Variants in OR7C1 observed in about 807,000 individuals in gnomAD.
OR7C1 encodes the protein olfactory receptor 7C1.
For synonymous variants in OR7C1, 152 were observed against 160.7 expected, an observed-to-expected ratio of 0.95 and a Z score of 0.41; for missense variants, 324 against 383.3, an observed-to-expected ratio of 0.85 and a Z score of 1.29.
intron 4 of OR7C1, 26 bp from the exon 5 acceptor site, chr19:14,800,175 A>G: frequency 6.6e-7 from 1 of 1,511,316 alleles, no homozygotes. Context: ...AAAAAGCAAC[A>G]GTCAATTATC....
At chr19:14,810,546 ATTTTTTTT>A (rs71168507) in intron 1 of OR7C1, among the ~76,000 whole-genome samples, 2 of 137,240 alleles carry the variant, frequency 1.5e-5, no homozygotes, top group Non-Finnish European at 3.1e-5. Flanking sequence ...TGCCCGGCTA[ATTTTTTTT>A]TTTTTTTTTT....
At chr19:14,804,604 G>A (rs114079873) in intron 2 of OR7C1, among the ~76,000 whole-genome samples, 2,105 of 152,078 alleles carry the variant, frequency 0.014, 82 homozygotes, top group African/African-American at 0.048. Context: ...CTCAATGCCT[G>A]GGCTTCTTCG....
chr19:14,809,136 T>C (rs541285459), intron 2 of OR7C1, among the ~76,000 whole-genome samples: 2 of 151,982 alleles, frequency 1.3e-5, no homozygotes, highest in Non-Finnish European at 2.9e-5. Flanking sequence ...AAAAGCATTC[T>C]CTGAGATCTC....
At chr19:14,819,528 C>A (rs1172372619) in intron 1 of OR7C1, among the ~76,000 whole-genome samples, 1 of 152,130 alleles carries the variant, frequency 6.6e-6, no homozygotes, top group Non-Finnish European at 1.5e-5. Context: ...GCATAGTATT[C>A]CAGGGTGTAT....
At chr19:14,822,786 T>C (rs2044747380) in intron 1 of OR7C1, among the ~76,000 whole-genome samples, 2 of 152,180 alleles carry the variant, frequency 1.3e-5, no homozygotes, top group South Asian at 2.1e-4. Flanking sequence ...CATTTTTTCA[T>C]GTACCTGTTG....
At chr19:14,829,699 G>A (rs1283190820) in intron 1 of OR7C1, among the ~76,000 whole-genome samples, 1 of 152,190 alleles carries the variant, frequency 6.6e-6, no homozygotes. Flanking sequence ...GGACTAGAAA[G>A]GTGTCACATC....
intron 1 of OR7C1, chr19:14,827,842 C>G (rs1296504649): frequency 2.5e-6 from 4 of 1,614,026 alleles, no homozygotes; most frequent in Non-Finnish European, 2.5e-6. Context: ...TTCATAATGA[C>G]CATGTAGTGC....
intron 1 of OR7C1, chr19:14,824,527 C>T (rs2145072091): frequency 6.6e-6 from 1 of 152,300 alleles, no homozygotes; most frequent in East Asian, 1.9e-4. Context: ...GCCTTGAGTT[C>T]TCTCCATGTA....
At chr19:14,828,383 TA>T in intron 1 of OR7C1, 1 of 938,902 alleles carries the variant, frequency 1.1e-6, no homozygotes, top group Non-Finnish European at 1.6e-6. Flanking sequence ...TGGTTCTCTT[TA>T]AGGGATCTCC....
chr19:14,826,361 A>G (rs375119512), intron 1 of OR7C1: 2 of 152,208 alleles, frequency 1.3e-5, no homozygotes, highest in Admixed American at 1.3e-4. Flanking sequence ...TTTACGACAA[A>G]ATTTTATAAT....
rs749506840 is a variant in OR7C1, at chr19:14,799,843, GAGAC to G, written c.290_293del (p.Cys97SerfsTer18). 3.6e-4 allele frequency: 583 copies of G among 1,613,962 alleles called. No individual in the cohort carries two copies. Among genetic ancestry groups the G allele is most frequent in the Non-Finnish European group, 4.7e-4 (552 of 1,180,016 alleles). ...ATGAAGTGAAAAAAAAAATCTGACTGAGACAGCCTGCATATGTTATGAATTTGTT... is the reference window on the plus strand; with the variant it reads ...ATGAAGTGAAAAAAAAAATCTGACTGAGCCTGCATATGTTATGAATTTGTT... On this transcript the variant is annotated frameshift_variant, in exon 5 of 5. Coordinates refer to ENST00000641666, the Ensembl canonical transcript of OR7C1. LOFTEE classifies it low-confidence loss of function (END_TRUNC).
intron 1 of OR7C1, among the ~76,000 whole-genome samples, chr19:14,833,214 C>T: frequency 6.6e-6 from 1 of 152,244 alleles, no homozygotes; most frequent in East Asian, 1.9e-4. Flanking sequence ...TACGGTGGCT[C>T]ATGCCTGTAA....
At chr19:14,809,401 CAGATTGAAAGCAAGAAACAG>C (rs1209428273) in intron 2 of OR7C1, among the ~76,000 whole-genome samples, 4 of 151,796 alleles carry the variant, frequency 2.6e-5, no homozygotes, top group Non-Finnish European at 4.4e-5. Context: ...GGAATTGTGC[CAGATTGAAAGCAAGAAACAG>C]AGATTGAAAG....
chr19:14,831,151 T>C (rs752757253), intron 1 of OR7C1, among the ~76,000 whole-genome samples: 7 of 152,186 alleles, frequency 4.6e-5, no homozygotes. Flanking sequence ...CGGCCCCAGA[T>C]AGCTGCTACC....
At chr19:14,802,685 G>T (rs1313935142) in intron 2 of OR7C1, among the ~76,000 whole-genome samples, 6 of 152,174 alleles carry the variant, frequency 3.9e-5, no homozygotes, top group Non-Finnish European at 8.8e-5. Flanking sequence ...TATGAGTAGT[G>T]GTAAATGATG....
exon 5 of OR7C1, chr19:14,799,115 A>G (rs919546017): frequency 2.6e-5 from 40 of 1,523,832 alleles, no homozygotes; most frequent in Non-Finnish European, 3.0e-5. Flanking sequence ...GAATACATTG[A>G]TGTTTGGATA....
intron 1 of OR7C1, among the ~76,000 whole-genome samples, chr19:14,828,906 T>C (rs1052344369): frequency 1.3e-5 from 2 of 150,816 alleles, no homozygotes; most frequent in Admixed American, 6.6e-5. Flanking sequence ...AATCTAATGA[T>C]GAAGAAAGAA....
intron 1 of OR7C1, 123 bp downstream of exon 1, chr19:14,834,951 A>G (rs1469443515): frequency 6.6e-6 from 1 of 152,232 alleles, no homozygotes; most frequent in Non-Finnish European, 1.5e-5. Flanking sequence ...CAAGCAAATA[A>G]CCGCAGCAAT....
intron 2 of OR7C1, among the ~76,000 whole-genome samples, chr19:14,809,485 GAGATTGAAAGCAAGAAGAAACAT>G (rs2044681092): frequency 6.6e-6 from 1 of 151,528 alleles, no homozygotes; most frequent in African/African-American, 2.4e-5. Flanking sequence ...AGAAGAAACA[GAGATTGAAAGCAAGAAGAAACAT>G]AGATTGAAAG....
Sources: allele counts gnomAD v4.1 joint callset (sites outside exome capture counted in the v4.1 genomes callset), GRCh38; gene constraint gnomAD v4.1.1; transcripts MANE v1.5; gene names NCBI Gene and HGNC (gene_info 2026-07-23, HGNC 2026-07-21).